Variants in GRM7 observed in about 807,000 individuals in gnomAD.
GRM7 encodes metabotropic glutamate receptor 7.
In GRM7, 35 loss-of-function variants were observed where a neutral mutation model predicts 84.5. The observed-to-expected ratio is 0.41, with a 90% CI of 0.32 to 0.55. GRM7 has a LOEUF of 0.55. Among genes scored for constraint, GRM7 ranks in the 20% least tolerant of loss-of-function variants. The pLI is 0.19. For synonymous variants in GRM7, 487 were observed against 455.1 expected, an observed-to-expected ratio of 1.07 and a Z score of -0.89; for missense variants, 1,003 against 1,194.6, an observed-to-expected ratio of 0.84 and a Z score of 2.36.
chr3:7,015,720 G>A (rs1167428691), intron 1 of GRM7, among the ~76,000 whole-genome samples: 2 of 152,154 alleles, frequency 1.3e-5, no homozygotes, highest in Non-Finnish European at 2.9e-5. Flanking sequence ...TTGGCAGAAA[G>A]CCCTCTTTCC....
chr3:7,160,250 A>G (rs1212775026), intron 2 of GRM7, among the ~76,000 whole-genome samples: 2 of 152,156 alleles, frequency 1.3e-5, no homozygotes, highest in Admixed American at 6.5e-5. Flanking sequence ...ACTAACAGCC[A>G]GGCTATGTAG....
intron 8 of GRM7, among the ~76,000 whole-genome samples, chr3:7,638,123 T>C (rs1698187011): frequency 6.6e-6 from 1 of 152,182 alleles, no homozygotes; most frequent in Non-Finnish European, 1.5e-5. Context: ...TCTTCATTTA[T>C]TTCCACACTT....
At chr3:7,338,264 A>G (rs895817100) in intron 4 of GRM7, among the ~76,000 whole-genome samples, 19 of 152,000 alleles carry the variant, frequency 1.3e-4, no homozygotes, top group African/African-American at 4.1e-4. Context: ...CAAACATTCT[A>G]TATTCTCACC....
At chr3:7,333,944 G>A (rs937738302) in intron 4 of GRM7, among the ~76,000 whole-genome samples, 1 of 151,750 alleles carries the variant, frequency 6.6e-6, no homozygotes. Flanking sequence ...AATGAACAAA[G>A]CCCCTAAGAA....
intron 2 of GRM7, among the ~76,000 whole-genome samples, chr3:7,161,821 A>G (rs1292438951): frequency 6.6e-6 from 1 of 152,232 alleles, no homozygotes; most frequent in Non-Finnish European, 1.5e-5. Flanking sequence ...GAGTAAACAA[A>G]TAACCATATA....
At chr3:6,919,638 A>G (rs1384321512) in intron 1 of GRM7, among the ~76,000 whole-genome samples, 1 of 151,478 alleles carries the variant, frequency 6.6e-6, no homozygotes, top group Non-Finnish European at 1.5e-5. Flanking sequence ...GAATCTGAAG[A>G]AAACACTTTA....
At chr3:7,534,088 C>A (rs1701149939) in intron 7 of GRM7, among the ~76,000 whole-genome samples, 1 of 149,864 alleles carries the variant, frequency 6.7e-6, no homozygotes, top group South Asian at 2.1e-4. Flanking sequence ...AATCTTGGCT[C>A]ACTACAACCT....
intron 9 of GRM7, among the ~76,000 whole-genome samples, chr3:7,729,730 G>A (rs781319382): frequency 3.9e-5 from 6 of 152,028 alleles, no homozygotes; most frequent in Non-Finnish European, 5.9e-5. Context: ...TTTTTGAGAC[G>A]GAGTCTCACT....
intron 4 of GRM7, among the ~76,000 whole-genome samples, chr3:7,369,835 C>T (rs1694059585): frequency 6.6e-6 from 1 of 152,130 alleles, no homozygotes; most frequent in Non-Finnish European, 1.5e-5. Context: ...ATGTGGATCA[C>T]TTGGAGAAAT....
At chr3:7,227,882 G>A (rs1433090352) in intron 2 of GRM7, among the ~76,000 whole-genome samples, 1 of 152,170 alleles carries the variant, frequency 6.6e-6, no homozygotes, top group African/African-American at 2.4e-5. Context: ...AATTCCAGGA[G>A]TAGTCCCTAG....
intron 4 of GRM7, among the ~76,000 whole-genome samples, chr3:7,386,736 G>A (rs1204417900): frequency 6.6e-6 from 1 of 152,114 alleles, no homozygotes; most frequent in Non-Finnish European, 1.5e-5. Flanking sequence ...ACATTCAAGT[G>A]CGGGTGTCTT....
chr3:7,561,886 A>T (rs540188103), intron 7 of GRM7, among the ~76,000 whole-genome samples: 22 of 152,158 alleles, frequency 1.4e-4, no homozygotes, highest in Non-Finnish European at 2.6e-4. Flanking sequence ...CCTTCTGCCA[A>T]ACTCCACAAG....
At chr3:7,131,045 T>G (rs556030353) in intron 1 of GRM7, among the ~76,000 whole-genome samples, 4 of 152,314 alleles carry the variant, frequency 2.6e-5, no homozygotes, top group South Asian at 2.1e-4. Context: ...GCTAAGACTT[T>G]CCCTTCCAAA....
intron 2 of GRM7, among the ~76,000 whole-genome samples, chr3:7,218,530 C>G (rs1696690090): frequency 6.6e-6 from 1 of 151,750 alleles, no homozygotes; most frequent in South Asian, 2.1e-4. Flanking sequence ...CATATAAAAG[C>G]TTAAAAGGAA....
chr3:7,015,760 C>A (rs749612818), intron 1 of GRM7, among the ~76,000 whole-genome samples: 2 of 152,188 alleles, frequency 1.3e-5, no homozygotes, highest in Non-Finnish European at 2.9e-5. Flanking sequence ...AGGTGAACCA[C>A]TGCATAGGAA....
At chr3:6,978,022 C>G (rs564569135) in intron 1 of GRM7, among the ~76,000 whole-genome samples, 28 of 152,026 alleles carry the variant, frequency 1.8e-4, no homozygotes, top group Middle Eastern at 3.4e-3. Context: ...CATGTCCTAA[C>G]CACCAGAACC....
intron 2 of GRM7, among the ~76,000 whole-genome samples, chr3:7,178,706 A>G (rs944312170): frequency 3.9e-5 from 6 of 152,118 alleles, no homozygotes; most frequent in Admixed American, 6.6e-5. Context: ...TTTCTCCCCA[A>G]TGTTGAAGTA....
At chr3:7,255,948 A>C (rs1698179528) in intron 2 of GRM7, among the ~76,000 whole-genome samples, 1 of 152,152 alleles carries the variant, frequency 6.6e-6, no homozygotes, top group Non-Finnish European at 1.5e-5. Flanking sequence ...CTCTGCTTAA[A>C]TTGCTCCATT....
intron 1 of GRM7, among the ~76,000 whole-genome samples, chr3:6,894,553 A>G (rs1559313289): frequency 6.6e-6 from 1 of 152,128 alleles, no homozygotes; most frequent in Admixed American, 6.6e-5. Context: ...ACATCTCTAT[A>G]GGTGTATATA....
Sources: allele counts gnomAD v4.1 joint callset (sites outside exome capture counted in the v4.1 genomes callset), GRCh38; gene constraint gnomAD v4.1.1; transcripts MANE v1.5; gene names NCBI Gene and HGNC (gene_info 2026-07-23, HGNC 2026-07-21).